ATRNL1: variants seen among roughly 807,000 people sequenced by gnomAD.
ATRNL1 encodes the protein attractin-like protein 1.
In ATRNL1, 95 loss-of-function variants were observed where a neutral mutation model predicts 182.7. The observed-to-expected ratio is 0.52, with a 90% confidence interval of 0.44 to 0.62. The LOEUF (loss-of-function observed/expected upper bound fraction) is 0.62, where lower values mean the gene tolerates loss of function less well. Ranked by LOEUF, ATRNL1 falls within the 20% of genes least tolerant of loss-of-function variation. ATRNL1 has a pLI of 0.00. For synonymous variants in ATRNL1, 576 were observed against 568.3 expected, an observed-to-expected ratio of 1.01 and a Z score of -0.19; for missense variants, 1,471 against 1,679.5, an observed-to-expected ratio of 0.88 and a Z score of 2.17.
chr10:115,861,328 T>G (rs576859035), intron 28 of ATRNL1, among the ~76,000 whole-genome samples: 2 of 152,300 alleles, frequency 1.3e-5, no homozygotes, highest in African/African-American at 4.8e-5. Context: ...CCTTATTATT[T>G]CTGTAGGGGC....
chr10:115,233,788 A>G (rs1289444122), intron 9 of ATRNL1, among the ~76,000 whole-genome samples: 1 of 152,092 alleles, frequency 6.6e-6, no homozygotes, highest in Non-Finnish European at 1.5e-5. Flanking sequence ...AAATAATTTA[A>G]TGTGGAATAT....
chr10:115,153,383 C>G (rs1846339874), intron 5 of ATRNL1, among the ~76,000 whole-genome samples: 1 of 152,084 alleles, frequency 6.6e-6, no homozygotes, highest in Non-Finnish European at 1.5e-5. Flanking sequence ...TAATTATTGC[C>G]TCAATTTCAG....
intron 26 of ATRNL1, among the ~76,000 whole-genome samples, chr10:115,678,975 TC>T: frequency 6.6e-6 from 1 of 152,084 alleles, no homozygotes; most frequent in Non-Finnish European, 1.5e-5. Context: ...GTGTAAACCC[TC>T]CATTCAAAAA....
At chr10:115,716,507 G>A (rs1351567571) in intron 26 of ATRNL1, among the ~76,000 whole-genome samples, 1 of 152,148 alleles carries the variant, frequency 6.6e-6, no homozygotes, top group Non-Finnish European at 1.5e-5. Context: ...ACTGGATTAT[G>A]TTGCATTTAG....
At chr10:115,216,856 CT>C (rs1292946130) in intron 9 of ATRNL1, among the ~76,000 whole-genome samples, 2 of 151,556 alleles carry the variant, frequency 1.3e-5, no homozygotes, top group African/African-American at 4.8e-5. Flanking sequence ...ATTATAACAC[CT>C]TTTTTCTTTT....
intron 20 of ATRNL1, among the ~76,000 whole-genome samples, chr10:115,422,118 G>A (rs1845676848): frequency 6.6e-6 from 1 of 152,138 alleles, no homozygotes; most frequent in South Asian, 2.1e-4. Flanking sequence ...ATACCATTCT[G>A]GATGTAGGAC....
intron 25 of ATRNL1, among the ~76,000 whole-genome samples, chr10:115,525,897 G>A (rs1851188823): frequency 6.6e-6 from 1 of 152,096 alleles, no homozygotes. Context: ...GCTCCTGCCA[G>A]TACGTGCTCC....
intron 10 of ATRNL1, among the ~76,000 whole-genome samples, chr10:115,260,714 A>G (rs1260336679): frequency 1.3e-5 from 2 of 152,192 alleles, no homozygotes; most frequent in African/African-American, 4.8e-5. Flanking sequence ...GTGAGATTTT[A>G]ATAAAAATAG....
At chr10:115,248,572 G>A (rs1554904649) in intron 10 of ATRNL1, among the ~76,000 whole-genome samples, 1 of 151,992 alleles carries the variant, frequency 6.6e-6, no homozygotes, top group Non-Finnish European at 1.5e-5. Context: ...TGTATGTTAA[G>A]ACACTATAAA....
chr10:115,351,653 A>C (rs938196040), intron 19 of ATRNL1, among the ~76,000 whole-genome samples: 7 of 151,938 alleles, frequency 4.6e-5, no homozygotes, highest in Non-Finnish European at 5.9e-5. Flanking sequence ...TGATCTTTTT[A>C]ATATGTTGTT....
At chr10:115,308,518 T>TAA (rs1369833379) in intron 17 of ATRNL1, among the ~76,000 whole-genome samples, 1 of 152,146 alleles carries the variant, frequency 6.6e-6, no homozygotes, top group East Asian at 1.9e-4. Flanking sequence ...AAGGTAATCA[T>TAA]TTTTAAAATT....
intron 27 of ATRNL1, among the ~76,000 whole-genome samples, chr10:115,841,303 C>T (rs535722510): frequency 1.3e-5 from 2 of 152,098 alleles, no homozygotes; most frequent in Admixed American, 1.3e-4. Flanking sequence ...AAAGTCAGTG[C>T]CACACAATTA....
chr10:115,795,520 T>A (rs1949630925), intron 27 of ATRNL1, among the ~76,000 whole-genome samples: 1 of 152,136 alleles, frequency 6.6e-6, no homozygotes, highest in African/African-American at 2.4e-5. Context: ...TATAAAGACA[T>A]ACCTGAGACT....
chr10:115,834,702 G>A (rs115706765), intron 27 of ATRNL1, among the ~76,000 whole-genome samples: 2,615 of 152,182 alleles, frequency 0.017, 86 homozygotes, highest in African/African-American at 0.06. Context: ...GGATGTCTAC[G>A]TGTAGAACCA....
chr10:115,500,839 C>T (rs1849792253), intron 24 of ATRNL1, among the ~76,000 whole-genome samples: 1 of 151,554 alleles, frequency 6.6e-6, no homozygotes. Context: ...CCACGCCTGG[C>T]CCAAATAATT....
intron 24 of ATRNL1, among the ~76,000 whole-genome samples, chr10:115,510,619 C>T (rs1406842339): frequency 6.6e-6 from 1 of 151,958 alleles, no homozygotes; most frequent in Non-Finnish European, 1.5e-5. Flanking sequence ...CTGTTATATG[C>T]ACTGGGAAAC....
chr10:115,327,164 A>G (rs1358815502), intron 18 of ATRNL1, among the ~76,000 whole-genome samples: 2 of 151,972 alleles, frequency 1.3e-5, no homozygotes, highest in African/African-American at 2.4e-5. Flanking sequence ...AAAATGGGAG[A>G]AAGTTTTCGC....
At chr10:115,559,773 A>G (rs1853579449) in intron 26 of ATRNL1, among the ~76,000 whole-genome samples, 1 of 152,242 alleles carries the variant, frequency 6.6e-6, no homozygotes, top group Non-Finnish European at 1.5e-5. Flanking sequence ...GCATCTGCCA[A>G]TAACCCACAT....
At chr10:115,641,141 T>C (rs1859220491) in intron 26 of ATRNL1, among the ~76,000 whole-genome samples, 1 of 152,198 alleles carries the variant, frequency 6.6e-6, no homozygotes, top group South Asian at 2.1e-4. Context: ...AAGAAGCATA[T>C]TTATTAGTAA....
Sources: gnomAD v4.1 joint callset for allele counts (sites outside exome capture counted in the v4.1 genomes callset) on GRCh38, gnomAD v4.1.1 for gene constraint, MANE v1.5 for transcripts, NCBI Gene and HGNC (gene_info 2026-07-23, HGNC 2026-07-21) for gene names.